The following SYNPO2 variants were observed in gnomAD, a reference collection of about 807,000 sequenced individuals.
The protein encoded by SYNPO2 is synaptopodin-2.
In SYNPO2, 56 loss-of-function variants were observed where a neutral mutation model predicts 85.0. That is an observed-to-expected ratio of 0.66 (90% CI 0.53 to 0.82). SYNPO2 has a LOEUF of 0.82. SYNPO2 is among the 40% of genes least tolerant of loss of function. SYNPO2 has a pLI of 0.00. For synonymous variants in SYNPO2, 602 were observed against 591.1 expected (o/e 1.02, Z -0.27); for missense variants, 1,575 against 1,534.2 (o/e 1.03, Z -0.44).
chr4:119,054,750 A>G (rs1739159955), intron 4 of SYNPO2, among the ~76,000 whole-genome samples: 1 of 152,186 alleles, frequency 6.6e-6, no homozygotes, highest in South Asian at 2.1e-4. Context: ...CAAAGAACCA[A>G]TCAGGAGAGA....
At chr4:118,918,216 A>G (rs1291289845) in intron 1 of SYNPO2, among the ~76,000 whole-genome samples, 2 of 152,304 alleles carry the variant, frequency 1.3e-5, no homozygotes, top group East Asian at 3.9e-4. Context: ...CCAACATATA[A>G]TTCCAAACTG....
intron 1 of SYNPO2, among the ~76,000 whole-genome samples, chr4:118,900,663 T>TTCTCTCTCTCTCTCTCTCTCTCTC (rs376467151): frequency 1.3e-5 from 1 of 77,542 alleles, no homozygotes; most frequent in Admixed American, 1.7e-4. Context: ...TAGAATCTCT[T>TTCTCTCTCTCTCTCTCTCTCTCTC]TCTCTCTCTC....
intron 1 of SYNPO2, among the ~76,000 whole-genome samples, chr4:118,900,699 C>CTATATATA (rs1339820717): frequency 1.0e-3 from 30 of 29,418 alleles, no homozygotes; most frequent in South Asian, 2.7e-3. Context: ...CTCTCTCTCT[C>CTATATATA]TCTCTATATA....
At position 119,038,661 on chromosome 4, in the gene SYNPO2, C is replaced by A. The variant is rs576345152; in HGVS notation, c.3252+6634C>A. ...GCATTTCAACAAGAATAATTCTAAA[C>A]AGAATAACGCTGAGGGAGTCACAAG... On this transcript the variant is annotated intron_variant, in intron 4 of 4. Coordinates refer to ENST00000307142, the MANE Select transcript of SYNPO2 (RefSeq NM_133477.3). 9 of 764,776 alleles carry A rather than the reference C, an allele frequency of 1.2e-5. No homozygotes were observed. In the South Asian group the frequency reaches 4.7e-4, roughly 40 times the overall value. The allele number at this position is 764,776 out of a possible 1,614,324, so 47.4% of individuals were successfully genotyped here.
rs967359240 is a variant in SYNPO2, at chr4:118,958,248, G to A, written c.106-65182G>A. Among the ~76,000 whole-genome samples, 13 of 152,226 alleles carry A rather than the reference G, an allele frequency of 8.5e-5. No individual in the cohort carries two copies. In the East Asian group the frequency reaches 2.5e-3, roughly 29 times the overall value. ...ACATACTTTCTTAAGTCAGAATATTGGTTTGGATGCCTGCGGTGCGTGTAT... is the reference window on the plus strand; with the variant it reads ...ACATACTTTCTTAAGTCAGAATATTAGTTTGGATGCCTGCGGTGCGTGTAT... On this transcript the variant is annotated intron_variant, in intron 1 of 4. Transcript: ENST00000307142.
intron 1 of SYNPO2, among the ~76,000 whole-genome samples, chr4:118,961,625 A>AT (rs1263292741): frequency 1.3e-5 from 2 of 152,002 alleles, no homozygotes; most frequent in African/African-American, 2.4e-5. Context: ...TTTATCTTAT[A>AT]TTTTTTGTGT....
At chr4:118,867,459 G>GCTTC (rs1553934193) in intron 1 of SYNPO2, among the ~76,000 whole-genome samples, 1 of 145,836 alleles carries the variant, frequency 6.9e-6, no homozygotes, top group Non-Finnish European at 1.5e-5. Context: ...GTTCCTATTA[G>GCTTC]TTTCTTTCTT....
chr4:118,996,984 T>G (rs1370061778), intron 1 of SYNPO2, among the ~76,000 whole-genome samples: 2 of 151,806 alleles, frequency 1.3e-5, no homozygotes, highest in Non-Finnish European at 2.9e-5. Flanking sequence ...CTCACGCCTG[T>G]AATCCCAGCA....
chr4:118,969,261 T>A (rs2149154267), intron 1 of SYNPO2, among the ~76,000 whole-genome samples: 2 of 152,344 alleles, frequency 1.3e-5, no homozygotes, highest in South Asian at 4.1e-4. Context: ...TATATTAAAT[T>A]GAACTCTAAG....
At chr4:118,857,439 T>A (rs1257136439) in intron 1 of SYNPO2, among the ~76,000 whole-genome samples, 1 of 152,062 alleles carries the variant, frequency 6.6e-6, no homozygotes, top group East Asian at 1.9e-4. Flanking sequence ...AATGATAACC[T>A]CAAAGGCTAG....
At chr4:118,949,297 C>T (rs1177298000) in intron 1 of SYNPO2, among the ~76,000 whole-genome samples, 1 of 151,968 alleles carries the variant, frequency 6.6e-6, no homozygotes, top group Admixed American at 6.5e-5. Flanking sequence ...TCTAAAAAGA[C>T]TCCCTAGGAA....
At chr4:119,000,108 T>C (rs79191203) in intron 1 of SYNPO2, among the ~76,000 whole-genome samples, 2,525 of 152,314 alleles carry the variant, frequency 0.017, 71 homozygotes, top group African/African-American at 0.055. Flanking sequence ...CATGGTTCAA[T>C]GTGAGCCACT....
chr4:118,870,901 T>G (rs554783943), intron 1 of SYNPO2, among the ~76,000 whole-genome samples: 1 of 152,282 alleles, frequency 6.6e-6, no homozygotes, highest in South Asian at 2.1e-4. Context: ...AAAATAAAAT[T>G]TTTTTAAAAA....
intron 1 of SYNPO2, among the ~76,000 whole-genome samples, chr4:118,954,415 C>T (rs563863675): frequency 6.8e-4 from 104 of 152,182 alleles, no homozygotes; most frequent in African/African-American, 2.5e-3. Flanking sequence ...ATACAAAGTG[C>T]CCTTTCATAT....
intron 1 of SYNPO2, among the ~76,000 whole-genome samples, chr4:118,915,011 CA>C (rs5861394): frequency 0.83 from 119,823 of 144,910 alleles, 49,428 homozygotes; most frequent in Middle Eastern, 0.92. Flanking sequence ...AAAAGTTCTA[CA>C]AAAAAAAAAA....
At chr4:118,861,532 T>TA (rs1731611791) in intron 1 of SYNPO2, among the ~76,000 whole-genome samples, 2 of 152,194 alleles carry the variant, frequency 1.3e-5, no homozygotes, top group African/African-American at 2.4e-5. Flanking sequence ...AGGTGAGAGA[T>TA]ACAGGTCTAG....
chr4:119,030,714 C>G lies in SYNPO2; in HGVS notation c.1939C>G (p.Pro647Ala). 1 of 1,614,192 alleles carries G rather than the reference C, an allele frequency of 6.2e-7. No individual in the cohort carries two copies. The highest frequency in any genetic ancestry group is 1.3e-5 in the African/African-American group (1 of 75,038). The change falls in exon 4 of 5, where the codon CCT (proline) becomes GCT (alanine). Residue 647 changes from proline (P) to alanine (A), a missense_variant. Around this residue, in one of 3 missense-constraint regions of SYNPO2, gnomAD observed 1,508 missense variants for 1,446.8 expected, o/e 1.04. Coordinates refer to ENST00000307142, the MANE Select transcript of SYNPO2 (RefSeq NM_133477.3). Reference protein sequence around the residue: ...SSPIAGPAQPPPWPQPAPWSQ... With the variant: ...SSPIAGPAQPAPWPQPAPWSQ... ...TCCGATTGCTGGCCCAGCACAGCCC[C>G]CTCCATGGCCCCAGCCTGCCCCGTG...
chr4:118,889,251 T>C lies in SYNPO2; in HGVS notation c.105+110T>C, dbSNP rs1276825805. The C allele has an allele frequency of 7.8e-6, 8 of 1,028,090 alleles. No individual in the cohort carries two copies. The Admixed American group carries it at 1.8e-4, about 23-fold the overall frequency. 63.7% of individuals were successfully genotyped at this position (1,028,090 alleles called of 1,614,324 possible). On this transcript the variant is annotated intron_variant, in intron 1 of 4. Coordinates refer to ENST00000307142, the MANE Select transcript of SYNPO2 (RefSeq NM_133477.3). Reference sequence around the variant, plus strand: ...GCAGAAGTCTAAGTATTATTTGATTTTGCTGCGGATATTAAGATTTTTCTA... The same window carrying C: ...GCAGAAGTCTAAGTATTATTTGATTCTGCTGCGGATATTAAGATTTTTCTA...
At chr4:119,002,476 G>C (rs1006518674) in intron 1 of SYNPO2, among the ~76,000 whole-genome samples, 3 of 152,154 alleles carry the variant, frequency 2.0e-5, no homozygotes, top group African/African-American at 7.2e-5. Flanking sequence ...GGCCAGGCTG[G>C]TCTCGATCTC....
Sources: allele counts gnomAD v4.1 joint callset (sites outside exome capture counted in the v4.1 genomes callset), GRCh38; gene constraint gnomAD v4.1.1; regional missense constraint gnomAD v4.1.1; transcripts MANE v1.5; gene names NCBI Gene and HGNC (gene_info 2026-07-23, HGNC 2026-07-21).